The following WDPCP variants were observed in gnomAD, a reference collection of about 807,000 sequenced individuals.
WDPCP encodes WD repeat containing planar cell polarity effector.
A neutral mutation model predicts 93.1 loss-of-function variants in WDPCP; 71 were observed. That is an observed-to-expected ratio of 0.76 (90% CI 0.63 to 0.93). WDPCP has a LOEUF of 0.93. Among genes scored for constraint, WDPCP ranks in the 40% least tolerant of loss-of-function variants. The probability of loss-of-function intolerance (pLI) is 0.00; values close to 1 mark genes in which losing one functional copy is unlikely to be tolerated. For synonymous variants in WDPCP, 315 were observed against 315.0 expected (o/e 1.00, Z 0.00); for missense variants, 844 against 887.4 (o/e 0.95, Z 0.62).
At chr2:63,429,903 C>G (rs1696603151) in intron 9 of WDPCP, among the ~76,000 whole-genome samples, 1 of 150,962 alleles carries the variant, frequency 6.6e-6, no homozygotes, top group Non-Finnish European at 1.5e-5. Context: ...CACTGCAGTG[C>G]TATTCACAAT....
intron 11 of WDPCP, 24 bp from the exon 12 acceptor site, chr2:63,378,533 A>G (rs781722430): frequency 2.5e-6 from 4 of 1,612,686 alleles, no homozygotes; most frequent in African/African-American, 2.7e-5. Flanking sequence ...ACATAGCAGC[A>G]CTAAAACAAG....
intron 14 of WDPCP, among the ~76,000 whole-genome samples, chr2:63,188,534 A>G (rs1273439667): frequency 6.6e-6 from 1 of 151,292 alleles, no homozygotes; most frequent in Non-Finnish European, 1.5e-5. Context: ...GGGTCTTGCT[A>G]TGTTGCCCAG....
At chr2:63,666,612 A>G (rs949669325) in intron 2 of WDPCP, among the ~76,000 whole-genome samples, 3 of 152,150 alleles carry the variant, frequency 2.0e-5, no homozygotes, top group Non-Finnish European at 2.9e-5. Context: ...CCTGTGTGCT[A>G]ATGACTGATT....
At chr2:63,364,946 T>C (rs1423726653) in intron 12 of WDPCP, among the ~76,000 whole-genome samples, 1 of 152,124 alleles carries the variant, frequency 6.6e-6, no homozygotes, top group Non-Finnish European at 1.5e-5. Context: ...ACCCTGCCAT[T>C]ATAGTATGAA....
chr2:63,150,368 CTG>C (rs1432422239), intron 17 of WDPCP, among the ~76,000 whole-genome samples: 2 of 152,142 alleles, frequency 1.3e-5, no homozygotes, highest in Non-Finnish European at 2.9e-5. Context: ...GTTGCCGTGA[CTG>C]GGGTTGGGAA....
At chr2:63,151,612 C>G (rs1212328117) in intron 17 of WDPCP, among the ~76,000 whole-genome samples, 2 of 152,080 alleles carry the variant, frequency 1.3e-5, no homozygotes, top group Non-Finnish European at 2.9e-5. Flanking sequence ...TTTCTTGAAG[C>G]TTTCGCAAAT....
intron 2 of WDPCP, 44 bp downstream of exon 2, chr2:63,492,812 T>C (rs1258218466): frequency 1.3e-6 from 2 of 1,554,438 alleles, no homozygotes; most frequent in South Asian, 1.1e-5. Flanking sequence ...TATAATGGTG[T>C]AACATATTTG....
intron 1 of WDPCP, among the ~76,000 whole-genome samples, chr2:63,575,487 A>ACAGTG (rs1558833229): frequency 6.0e-5 from 7 of 116,528 alleles, no homozygotes; most frequent in Admixed American, 8.0e-5. Flanking sequence ...CAGTGTATAT[A>ACAGTG]TAGTATATAC....
At chr2:63,244,098 T>C (rs1350588320) in intron 14 of WDPCP, among the ~76,000 whole-genome samples, 1 of 152,032 alleles carries the variant, frequency 6.6e-6, no homozygotes, top group East Asian at 1.9e-4. Flanking sequence ...ACCACACAAT[T>C]ACATGGAAAT....
intron 1 of WDPCP, among the ~76,000 whole-genome samples, chr2:63,567,056 T>C (rs1487592045): frequency 6.6e-6 from 1 of 152,196 alleles, no homozygotes; most frequent in Non-Finnish European, 1.5e-5. Flanking sequence ...AGGGCTTCTA[T>C]GCCTTCTACT....
intron 13 of WDPCP, among the ~76,000 whole-genome samples, chr2:63,268,230 A>C (rs2263636): frequency 0.82 from 124,350 of 152,104 alleles, 51,552 homozygotes; most frequent in East Asian, 0.96. Flanking sequence ...TACAGAAAGA[A>C]AGATACTGTA....
intron 3 of WDPCP, chr2:63,643,341 G>A: frequency 2.6e-6 from 1 of 389,002 alleles, no homozygotes; most frequent in South Asian, 2.3e-5. Context: ...CCTTTCCTCA[G>A]GGAGGAGAAG....
chr2:63,495,905 G>T lies in WDPCP; in HGVS notation c.76-2965C>A, dbSNP rs539922251. Among the ~76,000 whole-genome samples, 3 of 152,260 alleles carry T rather than the reference G, an allele frequency of 2.0e-5. No individual in the cohort carries two copies. In the South Asian group the frequency reaches 6.2e-4, roughly 32 times the overall value. ...TTATGAAGGAAAAACATCCAGAAGT[G>T]GAGAAGTTACTACACAAGAGAAGGT... On this transcript the variant is annotated intron_variant, in intron 1 of 17. Coordinates refer to ENST00000272321, the MANE Select transcript of WDPCP (RefSeq NM_015910.7).
chr2:63,270,969 C>T (rs1682587458), intron 13 of WDPCP, among the ~76,000 whole-genome samples: 1 of 152,216 alleles, frequency 6.6e-6, no homozygotes, highest in Admixed American at 6.5e-5. Context: ...GGCACAATAG[C>T]CCCTGAATGT....
intron 17 of WDPCP, among the ~76,000 whole-genome samples, chr2:63,140,451 A>T (rs1426338290): frequency 6.6e-6 from 1 of 151,812 alleles, no homozygotes. Flanking sequence ...TGAGCATGGG[A>T]TGTGTTTCCG....
At chr2:63,512,753 G>T (rs1702315728) in intron 1 of WDPCP, among the ~76,000 whole-genome samples, 1 of 152,086 alleles carries the variant, frequency 6.6e-6, no homozygotes, top group Non-Finnish European at 1.5e-5. Flanking sequence ...GAGTTGGGGG[G>T]CAAGGGGAGG....
At chr2:63,237,406 A>G (rs2104611790) in intron 14 of WDPCP, among the ~76,000 whole-genome samples, 1 of 152,254 alleles carries the variant, frequency 6.6e-6, no homozygotes, top group Middle Eastern at 3.4e-3. Flanking sequence ...GTTCAGCCCC[A>G]GTAGAAAGCA....
chr2:63,312,812 T>A (rs1236004874), intron 13 of WDPCP, among the ~76,000 whole-genome samples: 1 of 152,112 alleles, frequency 6.6e-6, no homozygotes, highest in African/African-American at 2.4e-5. Context: ...GTGAGAACAT[T>A]CCTGCTTTGT....
chr2:63,801,803 C>G (rs1670700198), intron 2 of WDPCP, among the ~76,000 whole-genome samples: 1 of 152,200 alleles, frequency 6.6e-6, no homozygotes, highest in African/African-American at 2.4e-5. Flanking sequence ...CTGGCCTCAC[C>G]TCTCAATGAC....
Sources: gnomAD v4.1 joint callset for allele counts (sites outside exome capture counted in the v4.1 genomes callset) on GRCh38, gnomAD v4.1.1 for gene constraint, MANE v1.5 for transcripts, NCBI Gene and HGNC (gene_info 2026-07-23, HGNC 2026-07-21) for gene names.